The following DNAJA1 variants were observed in gnomAD, a reference collection of about 807,000 sequenced individuals.
DNAJA1 encodes dnaJ homolog subfamily A member 1.
A neutral mutation model predicts 47.6 loss-of-function variants in DNAJA1; 26 were observed. The observed-to-expected ratio is 0.55, with a 90% CI of 0.40 to 0.76. The LOEUF (loss-of-function observed/expected upper bound fraction) is 0.76, where lower values mean the gene tolerates loss of function less well. DNAJA1 is among the 30% of genes least tolerant of loss of function. The probability of loss-of-function intolerance (pLI) is 0.00; values close to 1 mark genes in which losing one functional copy is unlikely to be tolerated. For synonymous variants in DNAJA1, 165 were observed against 158.4 expected, an observed-to-expected ratio of 1.04 and a Z score of -0.31; for missense variants, 315 against 485.0, an observed-to-expected ratio of 0.65 and a Z score of 3.29.
At chr9:33,035,122 G>T (rs1460347666) in intron 6 of DNAJA1, among the ~76,000 whole-genome samples, 1 of 150,194 alleles carries the variant, frequency 6.7e-6, no homozygotes, top group Non-Finnish European at 1.5e-5. Context: ...TTTCAGCTTG[G>T]TTTGGTGGCT....
At position 33,039,749 on chromosome 9, in the gene DNAJA1, C is replaced by T. The variant is rs1839092830; in HGVS notation, c.*846C>T. The T allele has an allele frequency of 6.6e-6, 1 of 151,928 alleles. No homozygotes were observed. The highest frequency in any genetic ancestry group is 1.5e-5 in the Non-Finnish European group (1 of 67,966). The allele number at this position is 151,928 out of a possible 1,614,324, so 9.4% of individuals were successfully genotyped here. On this transcript the variant is annotated 3_prime_UTR_variant, in exon 9 of 9. Coordinates refer to ENST00000330899, the MANE Select transcript of DNAJA1 (RefSeq NM_001539.4). ...ATTACTTTAAACCATTTGACTTTCG[C>T]TCCAAAGTTATGTTGGTAGTATAGC...
chr9:33,027,390 G>C (rs947363227), intron 3 of DNAJA1, among the ~76,000 whole-genome samples: 1 of 151,870 alleles, frequency 6.6e-6, no homozygotes. Flanking sequence ...GCAAACCTCA[G>C]GTGGTGATCC....
Position 33,029,916 on chromosome 9 carries a change from C to A in DNAJA1, c.342C>A (p.Thr114=), listed in dbSNP as rs200841542. The A allele has an allele frequency of 5.6e-6, 9 of 1,611,464 alleles. No individual in the cohort carries two copies. Among genetic ancestry groups the A allele is most frequent in the Non-Finnish European group, 7.6e-6 (9 of 1,179,186 alleles). Residue 114 remains threonine (T), a synonymous_variant, in exon 4 of 9, where the codon ACC becomes ACA. Coordinates refer to ENST00000330899, the MANE Select transcript of DNAJA1 (RefSeq NM_001539.4). ...GKNVVHQLSV[T]LEDLYNGATR... is the part of the protein sequence containing the mutation. ...ATGTTGTACATCAGCTCTCAGTAAC[C>A]CTAGAAGACTTATATAATGGTGCAA...
chr9:33,033,268 T>A (rs1032412803), intron 5 of DNAJA1, among the ~76,000 whole-genome samples: 3 of 150,872 alleles, frequency 2.0e-5, no homozygotes, highest in African/African-American at 7.3e-5. Flanking sequence ...CACTGATTGT[T>A]TTGTTTGCTT....
intron 5 of DNAJA1, among the ~76,000 whole-genome samples, chr9:33,031,520 C>T (rs187761439): frequency 1.2e-4 from 18 of 152,286 alleles, no homozygotes; most frequent in Middle Eastern, 3.4e-3. Context: ...TAACCTCTGC[C>T]TCCTGGGTTC....
chr9:33,030,797 C>A, intron 5 of DNAJA1, 130 bp downstream of exon 5: 1 of 802,702 alleles, frequency 1.2e-6, no homozygotes, highest in Non-Finnish European at 1.9e-6. Flanking sequence ...TAACTCTTAG[C>A]AGCTTAGTAA....
intron 4 of DNAJA1, 79 bp downstream of exon 4, chr9:33,030,068 TA>T (rs1838936946): frequency 7.6e-7 from 1 of 1,318,550 alleles, no homozygotes; most frequent in Non-Finnish European, 1.1e-6. Context: ...CTAAGACTTC[TA>T]GATAGATATG....
Position 33,039,327 on chromosome 9 carries a change from G to C in DNAJA1, c.*424G>C, listed in dbSNP as rs911961620. The stretch of plus-strand genomic sequence containing the variant: ...AAATTTTGTAGAGAAGTGTTGGTCT[G>C]TATAGTTCTTTATATTAAGTGGGAT... On this transcript the variant is annotated 3_prime_UTR_variant, in exon 9 of 9. Transcript: ENST00000330899. 1.3e-5 allele frequency: 2 copies of C among 159,978 alleles called. No individual in the cohort carries two copies. The highest frequency in any genetic ancestry group is 4.8e-5 in the African/African-American group (2 of 41,468). The allele number at this position is 159,978 out of a possible 1,614,324, so 9.9% of individuals were successfully genotyped here.
chr9:33,037,156 G>A (rs923130023), intron 8 of DNAJA1, 41 bp downstream of exon 8: 1 of 1,576,220 alleles, frequency 6.3e-7, no homozygotes, highest in Admixed American at 1.8e-5. Flanking sequence ...AGAACAATTG[G>A]CTTACTAAAA....
rs777895077 is a variant in DNAJA1, at chr9:33,038,885, T to A, written c.1176T>A (p.Val392=). 29 of 1,612,938 alleles carry A rather than the reference T, an allele frequency of 1.8e-5. No homozygotes were observed. The South Asian group carries it at 3.0e-4, about 17-fold the overall frequency. ...EDDEHHPRGG[V]QCQTS is the part of the protein sequence containing the mutation. ...ATGAACATCATCCCAGAGGTGGTGTTCAGTGTCAGACCTCTTAATGGGCCA... is the reference window on the plus strand; with the variant it reads ...ATGAACATCATCCCAGAGGTGGTGTACAGTGTCAGACCTCTTAATGGGCCA... The change falls in exon 9 of 9, where the codon GTT becomes GTA. Residue 392 remains valine, a synonymous_variant. Transcript: ENST00000330899.
In DNAJA1 at chr9:33,038,958, G is replaced by A. The variant is rs773775893; in HGVS notation, c.*55G>A. ...ATTTAATGTGCAGTAGTGAATGAGT[G>A]AAGGACTGTAATCATAATATGCTCA... On this transcript the variant is annotated 3_prime_UTR_variant, in exon 9 of 9. Coordinates refer to ENST00000330899, the MANE Select transcript of DNAJA1 (RefSeq NM_001539.4). 1 of 1,451,958 alleles carries A rather than the reference G, an allele frequency of 6.9e-7. No individual in the cohort carries two copies. The highest frequency in any genetic ancestry group is 1.2e-5 in the South Asian group (1 of 83,820). 89.9% of individuals were successfully genotyped at this position (1,451,958 alleles called of 1,614,324 possible). A position where few individuals can be genotyped will look rare whatever the true frequency, so the allele number is the denominator to read the frequency against.
intron 6 of DNAJA1, chr9:33,036,368 T>C (rs534559862): frequency 3.0e-5 from 12 of 397,108 alleles, no homozygotes; most frequent in East Asian, 9.1e-5. Context: ...GGAATGACTT[T>C]GAATCCTTAA....
intron 6 of DNAJA1, 102 bp from the exon 7 acceptor site, chr9:33,036,472 G>A: frequency 3.0e-6 from 2 of 661,652 alleles, no homozygotes; most frequent in Non-Finnish European, 5.1e-6. Flanking sequence ...GGGTGTCTTT[G>A]TAAAAGACCC....
chr9:33,036,714 CTTCTCTT>C, intron 7 of DNAJA1, 25 bp downstream of exon 7: 1 of 1,514,460 alleles, frequency 6.6e-7, no homozygotes, highest in Non-Finnish European at 9.1e-7. Flanking sequence ...CAAGCTTAAA[CTTCTCTT>C]TTCTATTCTA....
intron 5 of DNAJA1, among the ~76,000 whole-genome samples, chr9:33,032,087 T>A (rs1321360368): frequency 6.6e-6 from 1 of 152,268 alleles, no homozygotes; most frequent in Non-Finnish European, 1.5e-5. Context: ...TAAATGGGTC[T>A]ACTATTATAC....
At chr9:33,036,546 A>G (rs1432677069) in intron 6 of DNAJA1, 28 bp from the exon 7 acceptor site, 1 of 1,478,928 alleles carries the variant, frequency 6.8e-7, no homozygotes, top group Non-Finnish European at 9.3e-7. Context: ...GATTTGAAAA[A>G]TATAAATATG....
At chr9:33,027,547 A>G (rs112371047) in intron 3 of DNAJA1, among the ~76,000 whole-genome samples, 78 of 152,114 alleles carry the variant, frequency 5.1e-4, no homozygotes, top group African/African-American at 1.8e-3. Flanking sequence ...AAAATCTTAG[A>G]TATTATCAAA....
intron 1 of DNAJA1, among the ~76,000 whole-genome samples, chr9:33,025,710 G>C (rs1238768870): frequency 7.1e-6 from 1 of 141,042 alleles, no homozygotes; most frequent in Non-Finnish European, 1.6e-5. Flanking sequence ...GGGGGGGGGA[G>C]TGGGGTTGGC....
intron 5 of DNAJA1, among the ~76,000 whole-genome samples, chr9:33,031,102 G>A (rs1295610258): frequency 1.3e-5 from 2 of 152,160 alleles, no homozygotes; most frequent in African/African-American, 2.4e-5. Flanking sequence ...AAAAATTCAT[G>A]GTTTTTTTGG....
Sources: gnomAD v4.1 joint callset for allele counts (sites outside exome capture counted in the v4.1 genomes callset) on GRCh38, gnomAD v4.1.1 for gene constraint, MANE v1.5 for transcripts, NCBI Gene and HGNC (gene_info 2026-07-23, HGNC 2026-07-21) for gene names.